COG7: variants seen among roughly 807,000 people sequenced by gnomAD.
COG7 encodes conserved oligomeric Golgi complex subunit 7.
In COG7, 49 loss-of-function variants were observed where a neutral mutation model predicts 91.5. The observed-to-expected ratio is 0.54, with a 90% CI of 0.43 to 0.68. The LOEUF is 0.68. Among genes scored for constraint, COG7 ranks in the 30% least tolerant of loss-of-function variants. The pLI, the probability that COG7 is intolerant of heterozygous loss-of-function variation, is 0.00. For synonymous variants in COG7, 365 were observed against 388.7 expected, an observed-to-expected ratio of 0.94 and a Z score of 0.72; for missense variants, 895 against 961.3, an observed-to-expected ratio of 0.93 and a Z score of 0.91.
intron 9 of COG7, chr16:23,416,577 C>T (rs1252287447): frequency 3.4e-6 from 1 of 292,806 alleles, no homozygotes; most frequent in African/African-American, 2.2e-5. Context: ...AAGCAATCCA[C>T]CTGTCTTGGC....
intron 4 of COG7, among the ~76,000 whole-genome samples, chr16:23,437,203 A>G (rs1363518847): frequency 6.6e-6 from 1 of 152,214 alleles, no homozygotes; most frequent in African/African-American, 2.4e-5. Context: ...AAAACTGCTT[A>G]TCTCCAAAAC....
At chr16:23,428,381 G>A (rs1963882355) in intron 6 of COG7, among the ~76,000 whole-genome samples, 1 of 151,498 alleles carries the variant, frequency 6.6e-6, no homozygotes, top group Non-Finnish European at 1.5e-5. Context: ...AAAAAAACCT[G>A]CTACAACTCA....
chr16:23,437,014 A>G (rs1964023371), intron 4 of COG7, among the ~76,000 whole-genome samples: 1 of 152,156 alleles, frequency 6.6e-6, no homozygotes, highest in Admixed American at 6.6e-5. Flanking sequence ...GCAGAACAGT[A>G]CAAAGGGCCA....
At chr16:23,405,570 G>A (rs151256422) in intron 12 of COG7, among the ~76,000 whole-genome samples, 48 of 148,830 alleles carry the variant, frequency 3.2e-4, no homozygotes, top group Middle Eastern at 3.4e-3. Flanking sequence ...AGGCTGGAGT[G>A]TAGTGGCACA....
At chr16:23,431,316 T>C (rs1264143798) in intron 6 of COG7, among the ~76,000 whole-genome samples, 2 of 152,008 alleles carry the variant, frequency 1.3e-5, no homozygotes, top group Non-Finnish European at 2.9e-5. Context: ...GCTTCCATCC[T>C]GAAAAGAAAA....
At chr16:23,410,199 T>A (rs1963539526) in intron 11 of COG7, 96 bp downstream of exon 11, 1 of 936,508 alleles carries the variant, frequency 1.1e-6, no homozygotes. Flanking sequence ...GGCCTTCACA[T>A]CTGGCATATG....
At chr16:23,445,991 A>T in intron 1 of COG7, 30 bp from the exon 2 acceptor site, 2 of 1,599,966 alleles carry the variant, frequency 1.3e-6, no homozygotes, top group Non-Finnish European at 1.7e-6. Context: ...AAAAAACAAC[A>T]ACAACAGCGA....
chr16:23,397,184 T>A (rs1358567299), intron 14 of COG7, among the ~76,000 whole-genome samples: 1 of 152,212 alleles, frequency 6.6e-6, no homozygotes, highest in Non-Finnish European at 1.5e-5. Context: ...GCTGTGACTA[T>A]AAGCATGAGC....
intron 10 of COG7, among the ~76,000 whole-genome samples, chr16:23,411,413 G>A (rs1240843225): frequency 3.9e-5 from 6 of 152,106 alleles, no homozygotes; most frequent in African/African-American, 1.4e-4. Context: ...CTTCCCTTAC[G>A]TGCAACAGAA....
At chr16:23,402,800 G>A (rs1021105964) in intron 13 of COG7, among the ~76,000 whole-genome samples, 3 of 152,228 alleles carry the variant, frequency 2.0e-5, no homozygotes, top group Non-Finnish European at 4.4e-5. Context: ...CGATCATGTC[G>A]TTTAACTGAG....
rs1273330267 is a variant in COG7, at chr16:23,442,613, A to G, written c.468T>C (p.Gly156=). ...CAAGCATCATTAAGCTGTTCTGCAT[A>G]CCTGTTAGCTTGGCAGAAATCACAG... The part of the protein sequence containing the change: ...DIAVISAKLT[G]MQNSLMMLVD... Residue 156 remains glycine, a synonymous_variant, in exon 4 of 17, where the codon GGT becomes GGC. Coordinates refer to ENST00000307149, the MANE Select transcript of COG7 (RefSeq NM_153603.4). 6.2e-7 allele frequency: 1 copy of G among 1,614,108 alleles called. No homozygotes were observed. The highest frequency in any genetic ancestry group is 8.5e-7 in the Non-Finnish European group (1 of 1,179,940).
intron 4 of COG7, among the ~76,000 whole-genome samples, chr16:23,440,046 C>T (rs934224632): frequency 1.6e-5 from 2 of 127,128 alleles, no homozygotes. Context: ...GCCAGGAGTT[C>T]AAGACCAACC....
chr16:23,405,517 C>CTT (rs869133051), intron 12 of COG7, among the ~76,000 whole-genome samples: 23 of 139,162 alleles, frequency 1.7e-4, no homozygotes, highest in South Asian at 2.3e-4. Flanking sequence ...CTCTTTTTTC[C>CTT]TTTTTTTTTT....
chr16:23,424,887 T>C lies in COG7; in HGVS notation c.871A>G (p.Met291Val), dbSNP rs747189990. Residue 291 changes from methionine (M) to valine (V), a missense_variant, in exon 7 of 17, where the codon ATG becomes GTG. Met to Val is a conservative substitution (Grantham distance 21). Coordinates refer to ENST00000307149, the MANE Select transcript of COG7 (RefSeq NM_153603.4). Reference sequence around the variant, plus strand: ...CTGAGGCAGGAGGGCAGCGAGGGCATGAGGGCCCCCAGGGTCTGAATCAGC... The same window carrying C: ...CTGAGGCAGGAGGGCAGCGAGGGCACGAGGGCCCCCAGGGTCTGAATCAGC... ...VLLIQTLGAL[M>V]PSLPSCLSNG... 51 of 1,614,032 alleles carry C rather than the reference T, an allele frequency of 3.2e-5. No individual in the cohort carries two copies. Among genetic ancestry groups the C allele is most frequent in the South Asian group, 4.4e-5 (4 of 91,074 alleles).
intron 11 of COG7, among the ~76,000 whole-genome samples, chr16:23,408,681 T>C (rs1567333211): frequency 1.3e-5 from 2 of 151,902 alleles, no homozygotes; most frequent in Non-Finnish European, 2.9e-5. Flanking sequence ...AGCACAGAAA[T>C]TGCGTGACTT....
intron 9 of COG7, 63 bp downstream of exon 9, chr16:23,416,904 T>C: frequency 1.2e-6 from 2 of 1,603,204 alleles, no homozygotes; most frequent in South Asian, 2.2e-5. Flanking sequence ...AACACGTGCA[T>C]TTTTATCTGG....
intron 6 of COG7, 91 bp from the exon 7 acceptor site, chr16:23,425,038 G>A (rs1415941059): frequency 2.2e-5 from 23 of 1,064,446 alleles, no homozygotes; most frequent in African/African-American, 3.2e-5. Flanking sequence ...TGCCAGGCAC[G>A]GTGGCTTATG....
chr16:23,426,548 T>C (rs568428615), intron 6 of COG7, among the ~76,000 whole-genome samples: 1 of 152,120 alleles, frequency 6.6e-6, no homozygotes, highest in South Asian at 2.1e-4. Flanking sequence ...ATCAATGTAA[T>C]ACACCACATT....
intron 15 of COG7, among the ~76,000 whole-genome samples, chr16:23,392,747 T>C (rs1296885401): frequency 6.6e-6 from 1 of 151,946 alleles, no homozygotes; most frequent in African/African-American, 2.4e-5. Flanking sequence ...CTGGCCAACA[T>C]GGTGAAACCC....
Sources: allele counts gnomAD v4.1 joint callset (sites outside exome capture counted in the v4.1 genomes callset), GRCh38; gene constraint gnomAD v4.1.1; transcripts MANE v1.5; gene names NCBI Gene and HGNC (gene_info 2026-07-23, HGNC 2026-07-21).